Variants in GABRA5 observed in about 807,000 individuals in gnomAD.
The protein encoded by GABRA5 is gamma-aminobutyric acid receptor subunit alpha-5.
In GABRA5, 18 loss-of-function variants were observed where a neutral mutation model predicts 47.3. That is an observed-to-expected ratio of 0.38 (90% CI 0.26 to 0.56). The LOEUF (loss-of-function observed/expected upper bound fraction) is 0.56, where lower values mean the gene tolerates loss of function less well. Among genes scored for constraint, GABRA5 ranks in the 20% least tolerant of loss-of-function variants. The probability of loss-of-function intolerance (pLI) is 0.71; values close to 1 mark genes in which losing one functional copy is unlikely to be tolerated. For missense variants in GABRA5, 365 were observed against 599.3 expected (o/e 0.61, Z 4.08); for synonymous variants, 237 against 229.3 (o/e 1.03, Z -0.30).
intron 6 of GABRA5, among the ~76,000 whole-genome samples, chr15:26,890,227 A>G (rs908948483): frequency 1.3e-5 from 2 of 152,166 alleles, no homozygotes; most frequent in African/African-American, 4.8e-5. Flanking sequence ...CAGATTTTCA[A>G]ACTGTTCTCT....
chr15:26,905,421 C>G (rs1893422187), intron 6 of GABRA5, among the ~76,000 whole-genome samples: 1 of 152,048 alleles, frequency 6.6e-6, no homozygotes, highest in Non-Finnish European at 1.5e-5. Flanking sequence ...TAAAGATTCT[C>G]TCTTCATCTT....
intron 6 of GABRA5, among the ~76,000 whole-genome samples, chr15:26,895,825 AAAAG>A (rs953506446): frequency 1.1e-4 from 15 of 132,396 alleles, no homozygotes; most frequent in Non-Finnish European, 1.9e-4. Flanking sequence ...AAAAAAAAAA[AAAAG>A]AAGAAGAAGA....
intron 7 of GABRA5, among the ~76,000 whole-genome samples, chr15:26,923,874 T>A (rs911631014): frequency 1.3e-5 from 2 of 152,204 alleles, no homozygotes; most frequent in African/African-American, 4.8e-5. Flanking sequence ...AAGGAACTTT[T>A]TATCATGGAT....
intron 7 of GABRA5, among the ~76,000 whole-genome samples, chr15:26,936,508 G>GC (rs1894248149): frequency 1.3e-5 from 2 of 152,174 alleles, no homozygotes; most frequent in Non-Finnish European, 2.9e-5. Context: ...ATTAGATTGT[G>GC]CCCCCTGGGA....
Position 26,867,120 on chromosome 15 carries a change from G to A in GABRA5, c.-140+9G>A, listed in dbSNP as rs1465593499. ...TGTGGCGCTCGGGCGAGGTGAGAGC[G>A]GGCGCGAGTGCGCCGGGGGCGCTGG... On this transcript the variant is annotated intron_variant, in intron 1 of 10. Transcript: ENST00000335625. This position sits in a 1 kb window ranked among gnomAD's most constrained non-coding sequence, Gnocchi z 5.9. 5 of 151,730 alleles carry A rather than the reference G, an allele frequency of 3.3e-5. No individual in the cohort carries two copies. Among genetic ancestry groups the A allele is most frequent in the South Asian group, 1.8e-4 (1 of 5,506 alleles). The allele number at this position is 151,730 out of a possible 1,614,324, so 9.4% of individuals were successfully genotyped here.
intron 9 of GABRA5, among the ~76,000 whole-genome samples, chr15:26,942,352 G>A (rs1397868369): frequency 6.6e-6 from 1 of 152,202 alleles, no homozygotes; most frequent in East Asian, 1.9e-4. Context: ...GTGGCCACAG[G>A]CACCATGCAC....
chr15:26,898,410 G>C (rs1441619827), intron 6 of GABRA5, among the ~76,000 whole-genome samples: 1 of 152,176 alleles, frequency 6.6e-6, no homozygotes, highest in Non-Finnish European at 1.5e-5. Flanking sequence ...CCCAGAGAGG[G>C]GATGTGGTGC....
intron 3 of GABRA5, among the ~76,000 whole-genome samples, chr15:26,878,417 G>C (rs775325460): frequency 5.3e-5 from 8 of 152,102 alleles, no homozygotes; most frequent in Non-Finnish European, 7.4e-5. Flanking sequence ...CTGTGAAAGC[G>C]GTGTATTTCA....
At chr15:26,939,265 C>T (rs1296266756) in intron 8 of GABRA5, 1 of 765,346 alleles carries the variant, frequency 1.3e-6, no homozygotes, top group African/African-American at 1.7e-5. Flanking sequence ...GCATCATTCT[C>T]AGCAATGAAT....
At chr15:26,928,730 T>C (rs1025233398) in intron 7 of GABRA5, among the ~76,000 whole-genome samples, 3 of 152,150 alleles carry the variant, frequency 2.0e-5, no homozygotes, top group African/African-American at 7.2e-5. Context: ...TATAACAGAA[T>C]ACCACAAACT....
chr15:26,913,750 G>A (rs530737026), intron 6 of GABRA5, among the ~76,000 whole-genome samples: 1 of 152,252 alleles, frequency 6.6e-6, no homozygotes, highest in African/African-American at 2.4e-5. Flanking sequence ...TCCGTAATTG[G>A]CAAAGGTGGT....
At chr15:26,870,973 C>T (rs901556987) in intron 3 of GABRA5, among the ~76,000 whole-genome samples, 2 of 152,196 alleles carry the variant, frequency 1.3e-5, no homozygotes, top group African/African-American at 2.4e-5. Flanking sequence ...GGGGGCGGAT[C>T]GCCTGAGGTC....
rs1278914826 is a variant in GABRA5, at chr15:26,948,829, A to G, written c.*596A>G. The G allele has an allele frequency of 6.6e-6, 1 of 152,434 alleles. No individual in the cohort carries two copies. Among genetic ancestry groups the G allele is most frequent in the African/African-American group, 2.4e-5 (1 of 41,472 alleles). 9.4% of individuals were successfully genotyped at this position (152,434 alleles called of 1,614,324 possible). On this transcript the variant is annotated 3_prime_UTR_variant, in exon 11 of 11. Coordinates refer to ENST00000335625, the MANE Select transcript of GABRA5 (RefSeq NM_000810.4). ...ATGCAGGCAGATTAATAACAGAAAT[A>G]CATCATATGTTAGATACACAAAATA...
At chr15:26,924,563 T>C (rs1428583934) in intron 7 of GABRA5, among the ~76,000 whole-genome samples, 1 of 152,176 alleles carries the variant, frequency 6.6e-6, no homozygotes, top group East Asian at 1.9e-4. Context: ...ACGGGCCTCA[T>C]TGCAGCTTGG....
chr15:26,928,848 T>A (rs925650988), intron 7 of GABRA5, among the ~76,000 whole-genome samples: 1 of 152,126 alleles, frequency 6.6e-6, no homozygotes, highest in Non-Finnish European at 1.5e-5. Context: ...TGCTTTCTGG[T>A]TAAGACAGCA....
Position 26,923,118 on chromosome 15 carries a change from A to G in GABRA5, c.580+8233A>G, listed in dbSNP as rs1893881293. ...GAGAGTTGCAATTTTTGCTTGAACC[A>G]TCAAACTTAATTTTGAAAACTCAAT... is the stretch of plus-strand genomic sequence containing the variant. On this transcript the variant is annotated intron_variant, in intron 7 of 10. Coordinates refer to ENST00000335625, the MANE Select transcript of GABRA5 (RefSeq NM_000810.4). Among the ~76,000 whole-genome samples, 7 of 152,332 alleles carry G rather than the reference A, an allele frequency of 4.6e-5. No homozygotes were observed. In the South Asian group the frequency reaches 1.5e-3, roughly 32 times the overall value.
At chr15:26,869,835 A>G (rs548422716) in intron 3 of GABRA5, among the ~76,000 whole-genome samples, 2 of 152,254 alleles carry the variant, frequency 1.3e-5, no homozygotes, top group Non-Finnish European at 2.9e-5. Context: ...ATCTGAATGC[A>G]GGTGCAGACA....
At chr15:26,891,069 G>A (rs1033878563) in intron 6 of GABRA5, among the ~76,000 whole-genome samples, 5 of 152,178 alleles carry the variant, frequency 3.3e-5, no homozygotes, top group East Asian at 1.9e-4. Flanking sequence ...GTTTGAAAAC[G>A]TGACCAGACA....
intron 6 of GABRA5, among the ~76,000 whole-genome samples, chr15:26,907,912 A>G (rs539398017): frequency 6.6e-6 from 1 of 152,328 alleles, no homozygotes; most frequent in Admixed American, 6.5e-5. Context: ...GCATATAATA[A>G]AACAAATACA....
Sources: allele counts gnomAD v4.1 joint callset (sites outside exome capture counted in the v4.1 genomes callset), GRCh38; gene constraint gnomAD v4.1.1; non-coding constraint Gnocchi (gnomAD v3.1); transcripts MANE v1.5; gene names NCBI Gene and HGNC (gene_info 2026-07-23, HGNC 2026-07-21).